ARHGAP8: variants seen among roughly 807,000 people sequenced by gnomAD.
ARHGAP8 encodes the protein Rho GTPase activating protein 8.
Under a neutral mutation model 46.1 loss-of-function variants are expected in ARHGAP8, and 62 were observed. That is an observed-to-expected ratio of 1.34 (90% CI 1.10 to 1.66). ARHGAP8 has a LOEUF of 1.66. Ranked by LOEUF, ARHGAP8 falls within the 40% of genes most tolerant of loss-of-function variation. The probability of loss-of-function intolerance (pLI) is 0.00; values close to 1 mark genes in which losing one functional copy is unlikely to be tolerated. For synonymous variants in ARHGAP8, 375 were observed against 243.1 expected (o/e 1.54, Z -5.05); for missense variants, 923 against 568.4 (o/e 1.62, Z -6.34).
chr22:44,797,968 T>C (rs1424002566), intron 2 of ARHGAP8, among the ~76,000 whole-genome samples: 1 of 148,324 alleles, frequency 6.7e-6, no homozygotes, highest in African/African-American at 2.5e-5. Flanking sequence ...CCACCGCACC[T>C]GGCCAATAAG....
intron 1 of ARHGAP8, among the ~76,000 whole-genome samples, chr22:44,759,358 G>A (rs979141841): frequency 2.0e-5 from 3 of 152,178 alleles, no homozygotes; most frequent in Non-Finnish European, 4.4e-5. Flanking sequence ...AGAGCCCACA[G>A]GAAGCCCCTC....
intron 11 of ARHGAP8, among the ~76,000 whole-genome samples, chr22:44,861,735 C>T (rs1222414206): frequency 2.6e-5 from 4 of 152,168 alleles, no homozygotes; most frequent in Non-Finnish European, 4.4e-5. Flanking sequence ...CTGTACCTTC[C>T]AGGCCCCAGA....
chr22:44,766,680 G>C lies in ARHGAP8; in HGVS notation c.-72+14053G>C, dbSNP rs1257659095. Among the ~76,000 whole-genome samples the C allele has an allele frequency of 3.3e-5, 5 of 152,162 alleles. No individual in the cohort carries two copies. In the East Asian group the frequency reaches 5.8e-4, roughly 18 times the overall value. On this transcript the variant is annotated intron_variant, in intron 1 of 11. Transcript: ENST00000356099. Reference sequence around the variant, plus strand: ...GGGACCCTTCCGGGGGCTCTCTCTGGGGGTCTTTGCTGCCCTTTCTTCCTT... The same window carrying C: ...GGGACCCTTCCGGGGGCTCTCTCTGCGGGTCTTTGCTGCCCTTTCTTCCTT...
chr22:44,849,306 G>C, intron 10 of ARHGAP8: 1 of 584,332 alleles, frequency 1.7e-6, no homozygotes, highest in South Asian at 2.2e-5. Context: ...GGTCTCTCAG[G>C]CACAGCTGGG....
chr22:44,761,606 G>A (rs1347064661), intron 1 of ARHGAP8, among the ~76,000 whole-genome samples: 4 of 152,276 alleles, frequency 2.6e-5, no homozygotes, highest in Non-Finnish European at 4.4e-5. Context: ...CCCAAGGGAC[G>A]TCTGTAAACT....
intron 4 of ARHGAP8, among the ~76,000 whole-genome samples, chr22:44,814,072 T>C (rs1032361288): frequency 6.6e-6 from 1 of 152,148 alleles, no homozygotes; most frequent in Non-Finnish European, 1.5e-5. Context: ...ATCCCCACCC[T>C]GGTTGGCTGC....
intron 7 of ARHGAP8, among the ~76,000 whole-genome samples, chr22:44,837,988 T>A (rs1251952418): frequency 6.6e-6 from 1 of 152,154 alleles, no homozygotes; most frequent in Admixed American, 6.5e-5. Flanking sequence ...TATTTATTTA[T>A]TTTGAGATGG....
In ARHGAP8 at chr22:44,786,456, G is replaced by A; in HGVS notation, c.-71-1G>A. 6.3e-7 allele frequency: 1 copy of A among 1,596,436 alleles called. No homozygotes were observed. The highest frequency in any genetic ancestry group is 8.5e-7 in the Non-Finnish European group (1 of 1,171,906). ...ACTTCCTTTAATCTTCTTTGCCGCA[G>A]AGCTGCAGAGAGACAAGGCGGCGGC... On this transcript the variant is annotated splice_acceptor_variant, in intron 1 of 11. Coordinates refer to ENST00000356099, the MANE Select transcript of ARHGAP8 (RefSeq NM_181335.3). LOFTEE classifies it low-confidence loss of function (5UTR_SPLICE).
At chr22:44,771,892 C>A (rs1024776448) in intron 1 of ARHGAP8, among the ~76,000 whole-genome samples, 2 of 152,086 alleles carry the variant, frequency 1.3e-5, no homozygotes, top group African/African-American at 2.4e-5. Flanking sequence ...AATCTTTATG[C>A]CTTTTTCTTC....
intron 1 of ARHGAP8, among the ~76,000 whole-genome samples, chr22:44,781,709 G>C (rs1926859860): frequency 6.6e-6 from 1 of 151,936 alleles, no homozygotes; most frequent in Non-Finnish European, 1.5e-5. Context: ...ATTTTTAGTA[G>C]AAACAGGGAT....
chr22:44,850,373 A>C (rs1183523590), intron 10 of ARHGAP8: 4 of 136,776 alleles, frequency 2.9e-5, no homozygotes, highest in African/African-American at 1.3e-4. Flanking sequence ...AGAGGTACCT[A>C]TCTGGTGGAG....
intron 10 of ARHGAP8, among the ~76,000 whole-genome samples, chr22:44,852,858 A>G (rs2070130857): frequency 6.6e-6 from 1 of 152,190 alleles, no homozygotes; most frequent in African/African-American, 2.4e-5. Flanking sequence ...GCTGGAGTGC[A>G]GTGGCACGAT....
chr22:44,784,728 G>A (rs1052438346), intron 1 of ARHGAP8, among the ~76,000 whole-genome samples: 1 of 152,218 alleles, frequency 6.6e-6, no homozygotes, highest in African/African-American at 2.4e-5. Flanking sequence ...ACAGTCACAT[G>A]CACAGGGTCC....
At chr22:44,798,841 C>T (rs2147073241) in intron 2 of ARHGAP8, among the ~76,000 whole-genome samples, 1 of 152,282 alleles carries the variant, frequency 6.6e-6, no homozygotes, top group Non-Finnish European at 1.5e-5. Context: ...TCTCTGCTCA[C>T]TGCAACCTCC....
At chr22:44,767,755 C>G (rs917329472) in intron 1 of ARHGAP8, among the ~76,000 whole-genome samples, 7 of 151,292 alleles carry the variant, frequency 4.6e-5, no homozygotes, top group African/African-American at 1.7e-4. Context: ...TGCCTGTAAT[C>G]CCAGGTACTC....
At chr22:44,787,939 T>C (rs1927385214) in intron 2 of ARHGAP8, among the ~76,000 whole-genome samples, 2 of 136,254 alleles carry the variant, frequency 1.5e-5, no homozygotes, top group Non-Finnish European at 3.2e-5. Flanking sequence ...TTTTTTTTTT[T>C]TCCCCCCAAA....
rs1335609234 is a variant in ARHGAP8, at chr22:44,814,841, G to T, written c.386+83G>T. 3 of 1,489,170 alleles carry T rather than the reference G, an allele frequency of 2.0e-6. No homozygotes were observed. The African/African-American group carries it at 4.2e-5, about 21-fold the overall frequency. The allele number at this position is 1,489,170 out of a possible 1,614,324, so 92.2% of individuals were successfully genotyped here. On this transcript the variant is annotated intron_variant, in intron 5 of 11. Coordinates refer to ENST00000356099, the MANE Select transcript of ARHGAP8 (RefSeq NM_181335.3). ...CCATGGGACGGCCTTCCCTATCCACGCATCATGGAGGGCCCGTCTCCAGGG... is the reference window on the plus strand; with the variant it reads ...CCATGGGACGGCCTTCCCTATCCACTCATCATGGAGGGCCCGTCTCCAGGG...
At chr22:44,836,909 C>G (rs1193917781) in intron 7 of ARHGAP8, among the ~76,000 whole-genome samples, 1 of 152,018 alleles carries the variant, frequency 6.6e-6, no homozygotes, top group East Asian at 1.9e-4. Context: ...GGCAGAGGCT[C>G]ACTCTGTCAC....
rs753273314 is a variant in ARHGAP8, at chr22:44,802,079, G to A, written c.82G>A (p.Asp28Asn). 1.2e-6 allele frequency: 2 copies of A among 1,614,154 alleles called. No homozygotes were observed. Among genetic ancestry groups the A allele is most frequent in the Non-Finnish European group, 1.7e-6 (2 of 1,179,988 alleles). Residue 28 changes from aspartate to asparagine, a missense_variant and splice_region_variant, in exon 3 of 12, where the codon GAT (aspartate) becomes AAT (asparagine). Coordinates refer to ENST00000356099, the MANE Select transcript of ARHGAP8 (RefSeq NM_181335.3). ...ARHGILQVAG[D>N]DRFGRRVVTF... ...CTCACCTGTGTCTGCTCCTCCAGGGGATGACCGCTTTGGAAGACGTGTTGT... is the reference window on the plus strand; with the variant it reads ...CTCACCTGTGTCTGCTCCTCCAGGGAATGACCGCTTTGGAAGACGTGTTGT...
Sources: allele counts gnomAD v4.1 joint callset (sites outside exome capture counted in the v4.1 genomes callset), GRCh38; gene constraint gnomAD v4.1.1; transcripts MANE v1.5; gene names NCBI Gene and HGNC (gene_info 2026-07-23, HGNC 2026-07-21).